FN3K: variants seen among roughly 807,000 people sequenced by gnomAD.
FN3K encodes the protein fructosamine-3-kinase.
In FN3K, 24 loss-of-function variants were observed where a neutral mutation model predicts 24.8. The observed-to-expected ratio is 0.97, with a 90% CI of 0.70 to 1.36. FN3K has a LOEUF of 1.36. FN3K is among the 40% of genes most tolerant of loss of function. The pLI is 0.00. For missense variants in FN3K, 449 were observed against 416.7 expected, an observed-to-expected ratio of 1.08 and a Z score of -0.67; for synonymous variants, 192 against 175.2, an observed-to-expected ratio of 1.10 and a Z score of -0.76.
intron 2 of FN3K, among the ~76,000 whole-genome samples, chr17:82,738,947 T>TATATATATACGTGTATATATATATATACG (rs1491164859): frequency 1.5e-5 from 1 of 65,282 alleles, no homozygotes; most frequent in Non-Finnish European, 3.1e-5. Context: ...TATATATATA[T>TATATATATACGTGTATATATATATATACG]TTTTTTTTTT....
At chr17:82,748,154 C>CT (rs946867906) in intron 4 of FN3K, among the ~76,000 whole-genome samples, 74 of 127,096 alleles carry the variant, frequency 5.8e-4, no homozygotes, top group South Asian at 2.6e-3. Context: ...TTTTTTTTTT[C>CT]TTTTTTTTTT....
At position 82,735,744 on chromosome 17, in the gene FN3K, C is replaced by G. The variant is rs1477262041; in HGVS notation, c.108C>G (p.Gly36=). 2 of 1,562,774 alleles carry G rather than the reference C, an allele frequency of 1.3e-6. No homozygotes were observed. Among genetic ancestry groups the G allele is most frequent in the Non-Finnish European group, 1.7e-6 (2 of 1,155,708 alleles). ...GCCGAGCCTACGACACGGACGCAGG[C>G]CCAGTGTTCGTCAAAGTCAACCGCA... ...SEGRAYDTDA[G]PVFVKVNRRT... The change falls in exon 1 of 6, where the codon GGC becomes GGG. Residue 36 remains glycine (G), a synonymous_variant. Coordinates refer to ENST00000300784, the MANE Select transcript of FN3K (RefSeq NM_022158.4).
chr17:82,750,955 G>A lies in FN3K; in HGVS notation c.*200G>A, dbSNP rs2047030092. 3.8e-6 allele frequency: 1 copy of A among 261,416 alleles called. No homozygotes were observed. Among genetic ancestry groups the A allele is most frequent in the Admixed American group, 6.8e-5 (1 of 14,618 alleles). The allele number at this position is 261,416 out of a possible 1,614,324, so 16.2% of individuals were successfully genotyped here. On this transcript the variant is annotated 3_prime_UTR_variant, in exon 6 of 6. Transcript: ENST00000300784. ...CTCCATCCCTGTCCCCCGTCCCCCT[G>A]TCCCCCTGTCCACATACCAATCCCC...
At chr17:82,743,521 T>TG (rs1296886822) in intron 4 of FN3K, among the ~76,000 whole-genome samples, 3 of 151,934 alleles carry the variant, frequency 2.0e-5, no homozygotes, top group Non-Finnish European at 2.9e-5. Flanking sequence ...CTGCAGCCAA[T>TG]GGGGGGCAGT....
chr17:82,740,505 T>C (rs2046935272), intron 2 of FN3K, among the ~76,000 whole-genome samples: 1 of 150,694 alleles, frequency 6.6e-6, no homozygotes, highest in Non-Finnish European at 1.5e-5. Context: ...GGTGGAAGGA[T>C]TGCTTGAGCC....
rs140116126 is a variant in FN3K at position 82,747,383 on chromosome 17, A to G, written c.469-1472A>G. ...TTTAAAATATTTGAGGATTTCCCAG[A>G]ATTTTTCCTATTGATTTTGTTTTGT... On this transcript the variant is annotated intron_variant, in intron 4 of 5. Transcript: ENST00000300784. Among the ~76,000 whole-genome samples, 3 of 152,216 alleles carry G rather than the reference A, an allele frequency of 2.0e-5. No homozygotes were observed. The East Asian group carries it at 5.8e-4, about 29-fold the overall frequency.
chr17:82,740,640 T>G, intron 2 of FN3K, 123 bp from the exon 3 acceptor site: 1 of 710,906 alleles, frequency 1.4e-6, no homozygotes, highest in South Asian at 1.5e-5. Context: ...GGTGTTCACT[T>G]TTTACTGTTT....
intron 1 of FN3K, among the ~76,000 whole-genome samples, chr17:82,737,064 G>A (rs2046906626): frequency 6.6e-6 from 1 of 152,152 alleles, no homozygotes; most frequent in Non-Finnish European, 1.5e-5. Context: ...CTGGAGCAGG[G>A]CTGGGGTGTG....
intron 4 of FN3K, among the ~76,000 whole-genome samples, chr17:82,747,777 G>A (rs575056383): frequency 6.6e-6 from 1 of 152,012 alleles, no homozygotes. Flanking sequence ...CTGTTTGCAT[G>A]GAGAGAGAAA....
chr17:82,742,827 C>A, intron 4 of FN3K: 1 of 429,272 alleles, frequency 2.3e-6, no homozygotes, highest in South Asian at 1.7e-5. Context: ...ACTTTCAAAT[C>A]TGTCTCCTTG....
intron 2 of FN3K, among the ~76,000 whole-genome samples, chr17:82,740,349 C>T (rs750417389): frequency 2.1e-5 from 3 of 143,420 alleles, no homozygotes; most frequent in Admixed American, 7.6e-5. Context: ...TTTGCCAGTG[C>T]TGGGCGTGGT....
intron 3 of FN3K, 137 bp from the exon 4 acceptor site, chr17:82,741,174 T>A: frequency 1.3e-6 from 1 of 777,540 alleles, no homozygotes; most frequent in Non-Finnish European, 2.2e-6. Context: ...ATTGACTAAT[T>A]GCTACTGTAT....
rs752462128 is a variant in FN3K, at chr17:82,738,549, G to A, written c.202G>A (p.Val68Met). Residue 68 changes from valine to methionine, a missense_variant, in exon 2 of 6, where the codon GTG becomes ATG. By Grantham distance (21) the Val-to-Met change is conservative (BLOSUM62 1). Transcript: ENST00000300784. ...GGAGGCCCTCAGGAGCACGGGCCTG[G>A]TGCGGGTGCCGAGGCCCATGAAGGT... is the stretch of plus-strand genomic sequence containing the variant. The part of the protein sequence containing the change: ...SLEALRSTGL[V>M]RVPRPMKVID... 7.4e-6 allele frequency: 12 copies of A among 1,612,852 alleles called. No individual in the cohort carries two copies. The highest frequency in any genetic ancestry group is 1.0e-5 in the Non-Finnish European group (12 of 1,179,452).
chr17:82,750,416 G>C lies in FN3K; in HGVS notation c.592-1G>C, dbSNP rs755519474. Reference sequence around the variant, plus strand: ...GATAACTGCAGCCGTTGCTCTCGTAGGTGAAGATCCCGGATCTGTTTTGTG... The same window carrying C: ...GATAACTGCAGCCGTTGCTCTCGTACGTGAAGATCCCGGATCTGTTTTGTG... On this transcript the variant is annotated splice_acceptor_variant, in intron 5 of 5. Coordinates refer to ENST00000300784, the MANE Select transcript of FN3K (RefSeq NM_022158.4). LOFTEE classifies it high-confidence loss of function. The C allele has an allele frequency of 8.7e-6, 14 of 1,614,026 alleles. No individual in the cohort carries two copies. The highest frequency in any genetic ancestry group is 1.2e-5 in the Non-Finnish European group (14 of 1,179,886).
intron 1 of FN3K, among the ~76,000 whole-genome samples, chr17:82,736,933 C>T (rs994454011): frequency 6.6e-6 from 1 of 152,194 alleles, no homozygotes; most frequent in Non-Finnish European, 1.5e-5. Flanking sequence ...CTCCCACCCC[C>T]ACGAGGGGCC....
intron 1 of FN3K, 180 bp from the exon 2 acceptor site, chr17:82,738,309 T>G: frequency 1.5e-6 from 1 of 655,756 alleles, no homozygotes; most frequent in South Asian, 2.0e-5. Context: ...CAGCCTCTCG[T>G]CTCCGACGGG....
At position 82,743,236 on chromosome 17, in the gene FN3K, G is replaced by A. The variant is rs552457255; in HGVS notation, c.468+1843G>A. Among the ~76,000 whole-genome samples, 4 of 152,306 alleles carry A rather than the reference G, an allele frequency of 2.6e-5. No homozygotes were observed. The South Asian group carries it at 8.3e-4, about 32-fold the overall frequency. ...GACTTGGCTGGCCCAGCAGAGTGGT[G>A]TTTCAAAGAAATGAAGTGAAATCTT... On this transcript the variant is annotated intron_variant, in intron 4 of 5. Transcript: ENST00000300784.
In FN3K at chr17:82,750,452, T is replaced by C; in HGVS notation, c.627T>C (p.Ile209=). The C allele has an allele frequency of 6.2e-7, 1 of 1,614,156 alleles. No homozygotes were observed. The highest frequency in any genetic ancestry group is 8.5e-7 in the Non-Finnish European group (1 of 1,180,018). Reference sequence around the variant, plus strand: ...CGGATCTGTTTTGTGGCCTAGAGATTGTCCCCGCGTTGCTCCACGGGGATC... The same window carrying C: ...CGGATCTGTTTTGTGGCCTAGAGATCGTCCCCGCGTTGCTCCACGGGGATC... The part of the protein sequence containing the change: ...KIPDLFCGLE[I]VPALLHGDLW... The change falls in exon 6 of 6, where the codon ATT becomes ATC. Residue 209 remains isoleucine (I), a synonymous_variant. Coordinates refer to ENST00000300784, the MANE Select transcript of FN3K (RefSeq NM_022158.4).
At chr17:82,737,274 G>A (rs990493952) in intron 1 of FN3K, among the ~76,000 whole-genome samples, 3 of 152,286 alleles carry the variant, frequency 2.0e-5, no homozygotes, top group Non-Finnish European at 4.4e-5. Context: ...CACTTTGGGC[G>A]ACTGAGGAAA....
Sources: gnomAD v4.1 joint callset for allele counts (sites outside exome capture counted in the v4.1 genomes callset) on GRCh38, gnomAD v4.1.1 for gene constraint, MANE v1.5 for transcripts, NCBI Gene and HGNC (gene_info 2026-07-23, HGNC 2026-07-21) for gene names.